The following NDUFAF7 variants were observed in gnomAD, a reference collection of about 807,000 sequenced individuals.
NDUFAF7 encodes the protein protein arginine methyltransferase NDUFAF7, mitochondrial.
A neutral mutation model predicts 47.2 loss-of-function variants in NDUFAF7; 48 were observed. The ratio of observed to expected loss-of-function variants is 1.02; its 90% CI spans 0.81 to 1.29. NDUFAF7 has a LOEUF of 1.29. NDUFAF7 is among the 50% of genes most tolerant of loss of function. The pLI, the probability that NDUFAF7 is intolerant of heterozygous loss-of-function variation, is 0.00. For missense variants in NDUFAF7, 635 were observed against 537.6 expected (o/e 1.18, Z -1.79); for synonymous variants, 217 against 190.0 (o/e 1.14, Z -1.17).
downstream of NDUFAF7, among the ~76,000 whole-genome samples, chr2:37,257,423 TG>T (rs1366190451): frequency 3.9e-5 from 6 of 152,072 alleles, no homozygotes; most frequent in East Asian, 1.2e-3. Flanking sequence ...CCCAGCACTT[TG>T]GGAGGCCGAG....
intron 5 of NDUFAF7, chr2:37,242,399 A>T: frequency 2.6e-6 from 1 of 381,006 alleles, no homozygotes; most frequent in African/African-American, 2.1e-5. Flanking sequence ...CCTTGTGATG[A>T]ATAAAAGCTT....
chr2:37,250,394 T>C (rs1667390629), downstream of NDUFAF7: 1 of 152,206 alleles, frequency 6.6e-6, no homozygotes, highest in South Asian at 2.1e-4. Context: ...ATATTAGGTT[T>C]TTAACTTTTT....
intron 4 of NDUFAF7, among the ~76,000 whole-genome samples, chr2:37,239,263 C>T (rs1196890409): frequency 1.3e-5 from 2 of 151,752 alleles, no homozygotes; most frequent in Non-Finnish European, 1.5e-5. Flanking sequence ...GGATAATAGG[C>T]GTGGATCACT....
intron 2 of NDUFAF7, among the ~76,000 whole-genome samples, chr2:37,232,758 CAT>C (rs1482509150): frequency 2.6e-5 from 4 of 152,314 alleles, no homozygotes; most frequent in South Asian, 4.1e-4. Context: ...GGTTTTCTCA[CAT>C]GTGCAGTTGA....
chr2:37,262,325 G>C, the NDUFAF7 span, among the ~76,000 whole-genome samples: 4 of 152,230 alleles, frequency 2.6e-5, no homozygotes, highest in South Asian at 6.2e-4. Flanking sequence ...AATAATGTGT[G>C]TATTCTACTC....
intron 6 of NDUFAF7, among the ~76,000 whole-genome samples, chr2:37,243,475 CTTCA>C (rs1666565037): frequency 6.6e-6 from 1 of 151,962 alleles, no homozygotes; most frequent in Non-Finnish European, 1.5e-5. Flanking sequence ...TAAAACTTTT[CTTCA>C]TTCTTTCTGT....
chr2:37,236,404 T>G (rs1256920146), intron 3 of NDUFAF7, among the ~76,000 whole-genome samples: 1 of 151,540 alleles, frequency 6.6e-6, no homozygotes, highest in Non-Finnish European at 1.5e-5. Context: ...AATGGAGAGA[T>G]AAGAGGGACA....
At chr2:37,259,726 A>G in the NDUFAF7 span, 1 of 1,344,272 alleles carries the variant, frequency 7.4e-7, no homozygotes. Flanking sequence ...GAAAATCACA[A>G]GTAAACCTCA....
chr2:37,247,994 C>T, intron 9 of NDUFAF7, 141 bp from the exon 10 acceptor site: 1 of 745,462 alleles, frequency 1.3e-6, no homozygotes, highest in Non-Finnish European at 2.3e-6. Flanking sequence ...TTAATAAGTA[C>T]TCTATGATTC....
chr2:37,249,643 G>GACACACACACACACACACACAA (rs1667316638), downstream of NDUFAF7, among the ~76,000 whole-genome samples: 1 of 132,524 alleles, frequency 7.5e-6, no homozygotes, highest in Non-Finnish European at 1.6e-5. Context: ...CTGTGATAGA[G>GACACACACACACACACACACAA]ACACACACAC....
chr2:37,260,208 AAGG>A, the NDUFAF7 span: 2 of 1,569,598 alleles, frequency 1.3e-6, no homozygotes, highest in Non-Finnish European at 1.7e-6. Context: ...TAAAAAAAAA[AAGG>A]AGTTAAAATA....
In NDUFAF7 at chr2:37,247,479, T is replaced by A. The variant is rs145209790; in HGVS notation, c.960T>A (p.His320Gln). The change falls in exon 9 of 10, where the codon CAT becomes CAA. Residue 320 changes from histidine (H) to glutamine (Q), a missense_variant. Coordinates refer to ENST00000002125, the MANE Select transcript of NDUFAF7 (RefSeq NM_144736.5). ...AGGGGTTTTGCGACCACAAGCTTCA[T>A]GATGTCTTAATTGCCCCAGGAACAG... ...TFRGFCDHKL[H>Q]DVLIAPGTAD... The A allele has an allele frequency of 9.3e-6, 15 of 1,614,054 alleles. No individual in the cohort carries two copies. The East Asian group carries it at 3.3e-4, about 36-fold the overall frequency.
At chr2:37,267,745 G>A in the NDUFAF7 span, 1 of 480,658 alleles carries the variant, frequency 2.1e-6, no homozygotes, top group Non-Finnish European at 3.6e-6. Context: ...AAAGTCAGCT[G>A]CATTATCTAA....
At chr2:37,249,838 A>G (rs562233615), downstream of NDUFAF7, among the ~76,000 whole-genome samples, 2 of 152,198 alleles carry the variant, frequency 1.3e-5, no homozygotes, top group South Asian at 2.1e-4. Flanking sequence ...GGGAAAGAAT[A>G]CTTTCCCTTG....
chr2:37,235,976 G>T (rs190402482), intron 2 of NDUFAF7, 120 bp from the exon 3 acceptor site: 2 of 885,576 alleles, frequency 2.3e-6, no homozygotes, highest in East Asian at 5.4e-5. Context: ...TTATTTAGAG[G>T]AGAGAACTTT....
At chr2:37,241,441 AGAG>A in intron 4 of NDUFAF7, 134 bp from the exon 5 acceptor site, 1 of 714,128 alleles carries the variant, frequency 1.4e-6, no homozygotes. Context: ...AGACTGCTGG[AGAG>A]TGGCTTGGGT....
chr2:37,243,406 T>G lies in NDUFAF7; in HGVS notation c.682-457T>G, dbSNP rs189134199. ...GGCAGAGGTTGCAGTGAGCTGAGAT[T>G]GCACCACTGCACTCCAGCCTGGGCA... On this transcript the variant is annotated intron_variant, in intron 6 of 9. Transcript: ENST00000002125. 5.5e-3 allele frequency among the ~76,000 whole-genome samples: 838 copies of G among 152,186 alleles called. 13 individuals carry two copies. Among genetic ancestry groups the G allele is most frequent in the African/African-American group, 0.018 (737 of 41,538 alleles).
downstream of NDUFAF7, chr2:37,252,704 G>A (rs1380326752): frequency 2.0e-5 from 3 of 151,730 alleles, no homozygotes; most frequent in African/African-American, 7.3e-5. Flanking sequence ...TCACATAATG[G>A]TAACCTCACA....
chr2:37,233,420 G>C (rs1235224330), intron 2 of NDUFAF7, among the ~76,000 whole-genome samples: 1 of 152,166 alleles, frequency 6.6e-6, no homozygotes, highest in Middle Eastern at 3.2e-3. Context: ...ACGAGGTCAG[G>C]AGTTTGAGAC....
Sources: allele counts gnomAD v4.1 joint callset (sites outside exome capture counted in the v4.1 genomes callset), GRCh38; gene constraint gnomAD v4.1.1; transcripts MANE v1.5; gene names NCBI Gene and HGNC (gene_info 2026-07-23, HGNC 2026-07-21).